The following MALRD1 variants were observed in gnomAD, a reference collection of about 807,000 sequenced individuals.
MALRD1 encodes the protein MAM and LDL-receptor class A domain-containing protein 1.
Under a neutral mutation model 242.1 loss-of-function variants are expected in MALRD1, and 247 were observed. The ratio of observed to expected loss-of-function variants is 1.02; its 90% CI spans 0.92 to 1.13. The LOEUF is 1.13. Among genes scored for constraint, MALRD1 ranks in the 50% most tolerant of loss-of-function variants. The pLI, the probability that MALRD1 is intolerant of heterozygous loss-of-function variation, is 0.00. For synonymous variants in MALRD1, 995 were observed against 866.6 expected (o/e 1.15, Z -2.60); for missense variants, 2,989 against 2,533.1 (o/e 1.18, Z -3.86).
At chr10:19,684,273 A>T (rs1168786571) in intron 36 of MALRD1, among the ~76,000 whole-genome samples, 1 of 152,218 alleles carries the variant, frequency 6.6e-6, no homozygotes, top group African/African-American at 2.4e-5. Context: ...TGAGGAAATA[A>T]TTCTGACTTT....
chr10:19,429,239 A>ATGTAATG (rs1471639769), intron 28 of MALRD1, among the ~76,000 whole-genome samples: 5 of 152,190 alleles, frequency 3.3e-5, no homozygotes, highest in Non-Finnish European at 5.9e-5. Flanking sequence ...TCACATACTA[A>ATGTAATG]TGTAATGTGT....
intron 28 of MALRD1, among the ~76,000 whole-genome samples, chr10:19,418,071 T>G (rs1833578950): frequency 6.6e-6 from 1 of 152,116 alleles, no homozygotes; most frequent in African/African-American, 2.4e-5. Context: ...ACAAATTTTT[T>G]TAATATCGAT....
intron 18 of MALRD1, among the ~76,000 whole-genome samples, chr10:19,228,080 ATAGCCAAGT>A (rs1381935074): frequency 6.6e-6 from 1 of 152,160 alleles, no homozygotes; most frequent in East Asian, 1.9e-4. Flanking sequence ...TACTGATCAT[ATAGCCAAGT>A]AATTCCACTG....
At chr10:19,388,881 G>GAAAAAAAA (rs11405183) in intron 27 of MALRD1, among the ~76,000 whole-genome samples, 27 of 117,000 alleles carry the variant, frequency 2.3e-4, no homozygotes, top group Admixed American at 3.4e-4. Context: ...TAGGTCTACT[G>GAAAAAAAA]AAAAAAAAAA....
chr10:19,272,117 A>G (rs927158146), intron 19 of MALRD1, among the ~76,000 whole-genome samples: 2 of 152,160 alleles, frequency 1.3e-5, no homozygotes, highest in Non-Finnish European at 2.9e-5. Flanking sequence ...TAGATAATAT[A>G]CAATAAAGTC....
intron 26 of MALRD1, among the ~76,000 whole-genome samples, chr10:19,386,240 C>T (rs933353946): frequency 3.3e-5 from 5 of 152,076 alleles, no homozygotes; most frequent in Admixed American, 6.6e-5. Context: ...TTTCCAGCTC[C>T]CAGAAAACCT....
At chr10:19,094,349 G>A (rs1364227025) in intron 4 of MALRD1, among the ~76,000 whole-genome samples, 1 of 124,960 alleles carries the variant, frequency 8.0e-6, no homozygotes, top group Non-Finnish European at 1.7e-5. Context: ...GGAGTGACCC[G>A]ATTTTCCAGG....
At chr10:19,585,765 G>A (rs1378311359) in intron 33 of MALRD1, among the ~76,000 whole-genome samples, 1 of 152,074 alleles carries the variant, frequency 6.6e-6, no homozygotes, top group Non-Finnish European at 1.5e-5. Flanking sequence ...GAATCTGAAT[G>A]TTCGCCTGCC....
chr10:19,179,166 A>G (rs1407630574), intron 14 of MALRD1, among the ~76,000 whole-genome samples: 3 of 152,232 alleles, frequency 2.0e-5, no homozygotes, highest in Non-Finnish European at 4.4e-5. Context: ...TGAGGTATCT[A>G]TGTAGTCATA....
chr10:19,282,648 A>G lies in MALRD1; in HGVS notation c.3257-371A>G, dbSNP rs182012370. Reference sequence around the variant, plus strand: ...CTTAAACTGAAGTTGGGAATTAGCAATAACCCCTTCAGAGACTGAGAAAAG... The same window carrying G: ...CTTAAACTGAAGTTGGGAATTAGCAGTAACCCCTTCAGAGACTGAGAAAAG... On this transcript the variant is annotated intron_variant, in intron 20 of 39. Coordinates refer to ENST00000454679, the MANE Select transcript of MALRD1 (RefSeq NM_001142308.3). 1.4e-3 allele frequency among the ~76,000 whole-genome samples: 214 copies of G among 152,328 alleles called. 1 individual carries two copies. The highest frequency in any genetic ancestry group is 2.2e-3 in the Non-Finnish European group (153 of 68,026).
chr10:19,440,494 C>T lies in MALRD1; in HGVS notation c.4846-9813C>T, dbSNP rs370430515. ...TTTCTCCTAATACTATCCCTCCCCC[C>T]GCAACAACCCCACAACAGGACCCGA... is the stretch of plus-strand genomic sequence containing the variant. On this transcript the variant is annotated intron_variant, in intron 28 of 39. Transcript: ENST00000454679. 5.3e-4 allele frequency among the ~76,000 whole-genome samples: 81 copies of T among 152,184 alleles called. No homozygotes were observed. In the South Asian group the frequency reaches 7.9e-3, roughly 15 times the overall value.
rs1011421062 is a variant in MALRD1 at position 19,157,768 on chromosome 10, G to GT, written c.1656+2605dup. On this transcript the variant is annotated intron_variant, in intron 12 of 39. Coordinates refer to ENST00000454679, the MANE Select transcript of MALRD1 (RefSeq NM_001142308.3). Reference sequence around the variant, plus strand: ...AGCCTTCATTTTCTGAAATTATATGGTTTTTTTTTCCTACATAATCCTAGC... The same window carrying GT: ...AGCCTTCATTTTCTGAAATTATATGGTTTTTTTTTTCCTACATAATCCTAGC... Among the ~76,000 whole-genome samples, 109 of 151,306 alleles carry GT rather than the reference G, an allele frequency of 7.2e-4. 1 individual carries two copies. The highest frequency in any genetic ancestry group is 1.7e-3 in the African/African-American group (69 of 41,228).
chr10:19,621,044 G>A (rs558890629), intron 36 of MALRD1, among the ~76,000 whole-genome samples: 1 of 149,926 alleles, frequency 6.7e-6, no homozygotes, highest in East Asian at 2.0e-4. Flanking sequence ...TTACTACAAT[G>A]ACAGAAGAGG....
intron 19 of MALRD1, among the ~76,000 whole-genome samples, chr10:19,277,141 G>A (rs924225205): frequency 2.0e-5 from 3 of 152,048 alleles, no homozygotes; most frequent in Non-Finnish European, 1.5e-5. Flanking sequence ...GCCCAGGCTA[G>A]TCTCAAAATC....
At chr10:19,191,987 G>A (rs1835995585) in intron 14 of MALRD1, among the ~76,000 whole-genome samples, 1 of 151,614 alleles carries the variant, frequency 6.6e-6, no homozygotes, top group East Asian at 1.9e-4. Flanking sequence ...GGGCAATAGA[G>A]CAAAACTCTG....
chr10:19,188,033 A>AC (rs1288414678), intron 14 of MALRD1, among the ~76,000 whole-genome samples: 1 of 152,214 alleles, frequency 6.6e-6, no homozygotes. Context: ...CACAGTTTTT[A>AC]AATTATGTGC....
At chr10:19,204,625 TC>T (rs1256827032) in intron 16 of MALRD1, among the ~76,000 whole-genome samples, 1 of 152,252 alleles carries the variant, frequency 6.6e-6, no homozygotes, top group African/African-American at 2.4e-5. Flanking sequence ...AGGGGCTCTT[TC>T]CCCCCAACCA....
intron 38 of MALRD1, chr10:19,716,893 G>T (rs1202802605): frequency 6.6e-6 from 1 of 152,006 alleles, no homozygotes; most frequent in African/African-American, 2.4e-5. Context: ...ATTTCATTCT[G>T]CAATATAGCA....
chr10:19,670,760 C>T (rs145188557), intron 36 of MALRD1, among the ~76,000 whole-genome samples: 1 of 152,276 alleles, frequency 6.6e-6, no homozygotes, highest in Non-Finnish European at 1.5e-5. Flanking sequence ...AAAATGTAAA[C>T]TTCGTGAAGT....
Sources: gnomAD v4.1 joint callset for allele counts (sites outside exome capture counted in the v4.1 genomes callset) on GRCh38, gnomAD v4.1.1 for gene constraint, MANE v1.5 for transcripts, NCBI Gene and HGNC (gene_info 2026-07-23, HGNC 2026-07-21) for gene names.